COPB1: variants seen among roughly 807,000 people sequenced by gnomAD.
The protein encoded by COPB1 is coat protein complex I subunit beta 1, also known as coatomer subunit beta.
COPB1 carries 21 observed loss-of-function variants against 108.7 expected under a neutral mutation model. That is an observed-to-expected ratio of 0.19 (90% CI 0.14 to 0.28). The LOEUF (loss-of-function observed/expected upper bound fraction) is 0.28. Ranked by LOEUF, COPB1 falls within the 10% of genes least tolerant of loss-of-function variation. The pLI is 1.00. For synonymous variants in COPB1, 378 were observed against 386.8 expected (o/e 0.98, Z 0.27); for missense variants, 919 against 1,141.3 (o/e 0.81, Z 2.81).
chr11:14,499,399 C>G (rs1851100506), intron 1 of COPB1, among the ~76,000 whole-genome samples: 1 of 152,206 alleles, frequency 6.6e-6, no homozygotes, highest in East Asian at 1.9e-4. Flanking sequence ...CCGCGGGTCC[C>G]TTAATCAACG....
At chr11:14,496,631 A>G (rs1298378621) in intron 2 of COPB1, among the ~76,000 whole-genome samples, 1 of 152,186 alleles carries the variant, frequency 6.6e-6, no homozygotes, top group Admixed American at 6.5e-5. Flanking sequence ...TACCACCCAA[A>G]GCAATCTAGA....
Position 14,479,614 on chromosome 11 carries a change from A to G in COPB1, c.1313T>C (p.Ile438Thr). Residue 438 changes from isoleucine (I) to threonine (T), a missense_variant, in exon 11 of 22, where the codon ATT (isoleucine) becomes ACT (threonine). Coordinates refer to ENST00000439561, the MANE Select transcript of COPB1 (RefSeq NM_001144061.2). ...IQRFDNLRMLIVEKMLEVFHA... is the reference protein window; with the variant it reads ...IQRFDNLRMLTVEKMLEVFHA... The stretch of plus-strand genomic sequence containing the variant: ...AAAGACTTCAAGCATCTTCTCAACA[A>G]TAAGCATTCTCAGGTTATCAAAGCG... The G allele has an allele frequency of 6.2e-7, 1 of 1,613,506 alleles. No homozygotes were observed. Among genetic ancestry groups the G allele is most frequent in the South Asian group, 1.1e-5 (1 of 90,964 alleles).
At chr11:14,465,170 C>A in intron 17 of COPB1, 140 bp from the exon 18 acceptor site, 1 of 1,158,016 alleles carries the variant, frequency 8.6e-7, no homozygotes, top group Non-Finnish European at 1.1e-6. Flanking sequence ...AGGAATATGA[C>A]GAATATGAGA....
At chr11:14,470,320 T>C (rs1850372062) in intron 14 of COPB1, among the ~76,000 whole-genome samples, 1 of 152,232 alleles carries the variant, frequency 6.6e-6, no homozygotes, top group African/African-American at 2.4e-5. Context: ...TTTCACCCTG[T>C]ACTGCATCAC....
chr11:14,481,319 C>G (rs937855043), intron 8 of COPB1, among the ~76,000 whole-genome samples: 11 of 152,202 alleles, frequency 7.2e-5, no homozygotes, highest in Non-Finnish European at 1.2e-4. Flanking sequence ...TACTTTGACT[C>G]TGTCAAGCTA....
At position 14,466,416 on chromosome 11, in the gene COPB1, A is replaced by G; in HGVS notation, c.2156T>C (p.Leu719Ser). 1 of 1,611,150 alleles carries G rather than the reference A, an allele frequency of 6.2e-7. No homozygotes were observed. Among genetic ancestry groups the G allele is most frequent in the Non-Finnish European group, 8.5e-7 (1 of 1,179,006 alleles). ...ATATACAGGATCTGAGAAACCTGTC[A>G]ATTGGGTGACCTGTCAAAACAAAAA... ...LASKLNKVTQ[L>S]TGFSDPVYAE... is the part of the protein sequence containing the mutation. The change falls in exon 17 of 22, where the codon TTG becomes TCG. Residue 719 changes from leucine (L) to serine (S), a missense_variant. Leu to Ser is a moderately radical substitution (Grantham distance 145, BLOSUM62 -2). Coordinates refer to ENST00000439561, the MANE Select transcript of COPB1 (RefSeq NM_001144061.2).
rs574869277 is a variant in COPB1, at chr11:14,468,233, T to C, written c.2145+448A>G. ...ATGAGGGATCACTGATTCTTAAATT[T>C]ATATATTTAAGAGAGTAGAATCATT... On this transcript the variant is annotated intron_variant, in intron 16 of 21. Coordinates refer to ENST00000439561, the MANE Select transcript of COPB1 (RefSeq NM_001144061.2). Among the ~76,000 whole-genome samples, 13 of 152,336 alleles carry C rather than the reference T, an allele frequency of 8.5e-5. No homozygotes were observed. In the East Asian group the frequency reaches 2.5e-3, roughly 29 times the overall value.
rs903506809 is a variant in COPB1, at chr11:14,457,719, A to G, written c.*105T>C. The G allele has an allele frequency of 2.7e-6, 2 of 748,206 alleles. No homozygotes were observed. Among genetic ancestry groups the G allele is most frequent in the African/African-American group, 3.5e-5 (2 of 56,384 alleles). The allele number at this position is 748,206 out of a possible 1,614,324, so 46.3% of individuals were successfully genotyped here. On this transcript the variant is annotated 3_prime_UTR_variant, in exon 22 of 22. Coordinates refer to ENST00000439561, the MANE Select transcript of COPB1 (RefSeq NM_001144061.2). ...AATTATTGGCTGAAAAGTATTCAGC[A>G]TGAACTCAGATTCTATATAAGCATG...
chr11:14,475,717 G>T, intron 13 of COPB1, 68 bp downstream of exon 13: 1 of 1,338,508 alleles, frequency 7.5e-7, no homozygotes, highest in South Asian at 2.3e-5. Context: ...GAAATCATTT[G>T]ACTGTCTTAC....
intron 21 of COPB1, 49 bp downstream of exon 21, chr11:14,458,483 C>T (rs777203527): frequency 1.3e-6 from 2 of 1,529,170 alleles, no homozygotes; most frequent in Non-Finnish European, 1.8e-6. Context: ...ATAAATTCCT[C>T]CCCCCTTTGT....
intron 14 of COPB1, 167 bp downstream of exon 14, chr11:14,474,328 C>A: frequency 2.0e-6 from 1 of 495,300 alleles, no homozygotes; most frequent in Non-Finnish European, 3.4e-6. Context: ...GAGGAAGATA[C>A]TTTATCAATT....
At chr11:14,494,705 G>T in intron 2 of COPB1, 1 of 319,508 alleles carries the variant, frequency 3.1e-6, no homozygotes, top group Non-Finnish European at 5.7e-6. Context: ...CTAACCAATT[G>T]AGTTAATGCA....
Position 14,473,016 on chromosome 11 carries a change from C to T in COPB1, c.1737+1479G>A, listed in dbSNP as rs569921340. On this transcript the variant is annotated intron_variant, in intron 14 of 21. Coordinates refer to ENST00000439561, the MANE Select transcript of COPB1 (RefSeq NM_001144061.2). Reference sequence around the variant, plus strand: ...TCGAGACGGAGTCTTGTTCTGTCTCCCAGGCTGGAGTGCAGTGGTGTGATG... The same window carrying T: ...TCGAGACGGAGTCTTGTTCTGTCTCTCAGGCTGGAGTGCAGTGGTGTGATG... Among the ~76,000 whole-genome samples the T allele has an allele frequency of 2.7e-4, 41 of 152,212 alleles. No homozygotes were observed. In the East Asian group the frequency reaches 7.7e-3, roughly 29 times the overall value.
chr11:14,458,713 T>A, intron 20 of COPB1, 26 bp from the exon 21 acceptor site: 2 of 1,602,534 alleles, frequency 1.2e-6, no homozygotes, highest in African/African-American at 2.7e-5. Flanking sequence ...GATAAATTCA[T>A]TACTTTACCA....
At chr11:14,481,893 A>G (rs1215516223) in intron 8 of COPB1, among the ~76,000 whole-genome samples, 1 of 152,044 alleles carries the variant, frequency 6.6e-6, no homozygotes, top group East Asian at 1.9e-4. Context: ...GGTTCAAGCA[A>G]TTCTCCTGTC....
chr11:14,490,543 T>A, intron 5 of COPB1, 22 bp downstream of exon 5: 1 of 1,348,250 alleles, frequency 7.4e-7, no homozygotes, highest in South Asian at 1.2e-5. Flanking sequence ...GTAATAAGAG[T>A]ATTTTTTAAA....
At chr11:14,496,994 G>A (rs1851035821) in intron 2 of COPB1, among the ~76,000 whole-genome samples, 1 of 152,104 alleles carries the variant, frequency 6.6e-6, no homozygotes, top group Admixed American at 6.6e-5. Flanking sequence ...ATGTGCAGAA[G>A]AATGAAACTT....
At chr11:14,470,580 T>C (rs1246515000) in intron 14 of COPB1, among the ~76,000 whole-genome samples, 1 of 152,190 alleles carries the variant, frequency 6.6e-6, no homozygotes, top group Non-Finnish European at 1.5e-5. Flanking sequence ...CTTGCCAAAT[T>C]GCCTTTGGCT....
intron 5 of COPB1, among the ~76,000 whole-genome samples, chr11:14,490,228 T>A (rs1355813752): frequency 6.6e-6 from 1 of 152,192 alleles, no homozygotes; most frequent in African/African-American, 2.4e-5. Context: ...TAAGGATGTA[T>A]CTATGCAAAG....
Sources: gnomAD v4.1 joint callset for allele counts (sites outside exome capture counted in the v4.1 genomes callset) on GRCh38, gnomAD v4.1.1 for gene constraint, MANE v1.5 for transcripts, NCBI Gene and HGNC (gene_info 2026-07-23, HGNC 2026-07-21) for gene names.